Variants in ALKBH8 observed in about 807,000 individuals in gnomAD.
ALKBH8 encodes tRNA (carboxymethyluridine(34)-5-O)-methyltransferase ALKBH8.
ALKBH8 carries 36 observed loss-of-function variants against 59.8 expected under a neutral mutation model. The observed-to-expected ratio is 0.60, with a 90% CI of 0.46 to 0.79. The LOEUF (loss-of-function observed/expected upper bound fraction) is 0.79. Among genes scored for constraint, ALKBH8 ranks in the 30% least tolerant of loss-of-function variants. The probability of loss-of-function intolerance (pLI) is 0.00; values close to 1 mark genes in which losing one functional copy is unlikely to be tolerated. For synonymous variants in ALKBH8, 276 were observed against 273.6 expected, an observed-to-expected ratio of 1.01 and a Z score of -0.09; for missense variants, 768 against 801.0, an observed-to-expected ratio of 0.96 and a Z score of 0.50.
At chr11:107,562,025 C>T (rs1243948366) in intron 1 of ALKBH8, among the ~76,000 whole-genome samples, 1 of 152,106 alleles carries the variant, frequency 6.6e-6, no homozygotes, top group Non-Finnish European at 1.5e-5. Context: ...TGGATGTGGG[C>T]TGGGAGCAGT....
chr11:107,542,060 A>C (rs1337199187), intron 7 of ALKBH8, among the ~76,000 whole-genome samples: 1 of 152,174 alleles, frequency 6.6e-6, no homozygotes, highest in Non-Finnish European at 1.5e-5. Flanking sequence ...ATGGAGAGAC[A>C]AAAGATAGAA....
At position 107,535,368 on chromosome 11, in the gene ALKBH8, C is replaced by T. The variant is rs188713679; in HGVS notation, c.772-2962G>A. On this transcript the variant is annotated intron_variant, in intron 7 of 11. Transcript: ENST00000428149. ...GTGGTTGTACTACTTTACATTCTGA[C>T]CAATAGTGTAAAAGTGTTCCCTTTT... 3.0e-3 allele frequency among the ~76,000 whole-genome samples: 450 copies of T among 152,290 alleles called. 1 individual carries two copies. Among genetic ancestry groups the T allele is most frequent in the Non-Finnish European group, 5.1e-3 (348 of 68,024 alleles).
At chr11:107,537,007 A>T (rs1863844683) in intron 7 of ALKBH8, among the ~76,000 whole-genome samples, 1 of 152,224 alleles carries the variant, frequency 6.6e-6, no homozygotes, top group South Asian at 2.1e-4. Flanking sequence ...CCATGAGGCC[A>T]CCAGGTAAAG....
chr11:107,522,531 T>A lies in ALKBH8; in HGVS notation c.1055A>T (p.Gln352Leu). ...NCSYPLVCDS[Q>L]RKETPPSFPE... ...AAATGAGGGGGGAGTCTCTTTCCTC[T>A]GGCTATCACAGACCAACGGGTAACC... Residue 352 changes from glutamine (Q) to leucine (L), a missense_variant, in exon 10 of 12, where the codon CAG (glutamine) becomes CTG (leucine). Physicochemically the swap from Gln to Leu is moderately radical, Grantham distance 113 (BLOSUM62 -2). Coordinates refer to ENST00000428149, the MANE Select transcript of ALKBH8 (RefSeq NM_138775.3). The A allele has an allele frequency of 6.4e-7, 1 of 1,551,594 alleles. No homozygotes were observed. The highest frequency in any genetic ancestry group is 2.0e-5 in the Admixed American group (1 of 50,996).
chr11:107,512,785 CCT>C (rs1862691758), intron 10 of ALKBH8, among the ~76,000 whole-genome samples: 2 of 152,236 alleles, frequency 1.3e-5, no homozygotes, highest in Non-Finnish European at 2.9e-5. Flanking sequence ...TAGGGCTGAT[CCT>C]CAGCCCTTCT....
At chr11:107,538,221 A>AG (rs5794555) in intron 7 of ALKBH8, among the ~76,000 whole-genome samples, 45,928 of 151,594 alleles carry the variant, frequency 0.3, 7,242 homozygotes, top group East Asian at 0.47. Flanking sequence ...TTGACAGTAT[A>AG]TTTTTTTAAA....
At chr11:107,524,402 A>T (rs1235187064) in intron 9 of ALKBH8, among the ~76,000 whole-genome samples, 1 of 152,110 alleles carries the variant, frequency 6.6e-6, no homozygotes, top group Non-Finnish European at 1.5e-5. Context: ...TGTAAACTGA[A>T]TCCCCAATAA....
intron 7 of ALKBH8, 115 bp from the exon 8 acceptor site, chr11:107,532,521 A>C: frequency 1.3e-6 from 1 of 779,024 alleles, no homozygotes; most frequent in Non-Finnish European, 2.1e-6. Flanking sequence ...AAAACATAAT[A>C]ATGCTTGCAG....
rs549450838 is a variant in ALKBH8 at position 107,506,409 on chromosome 11, G to GA, written c.1438-1195dup. ...GAGGACCAAAGGACTGAAAAACAGA[G>GA]AAAAAAAAAAGACCATAGAAATAAA... On this transcript the variant is annotated intron_variant, in intron 11 of 11. Transcript: ENST00000428149. Among the ~76,000 whole-genome samples the GA allele has an allele frequency of 2.9e-3, 414 of 143,450 alleles. 4 individuals carry two copies. Among genetic ancestry groups the GA allele is most frequent in the Non-Finnish European group, 2.9e-3 (187 of 65,212 alleles). The allele number at this position is 143,450 out of a possible 152,430, so 94.1% of individuals were successfully genotyped here.
intron 9 of ALKBH8, among the ~76,000 whole-genome samples, chr11:107,525,070 A>G (rs945383000): frequency 1.3e-5 from 2 of 152,204 alleles, no homozygotes; most frequent in African/African-American, 4.8e-5. Flanking sequence ...TGTTGGATTA[A>G]TAAGATATAA....
At chr11:107,519,664 A>G (rs984635988) in intron 10 of ALKBH8, among the ~76,000 whole-genome samples, 2 of 152,190 alleles carry the variant, frequency 1.3e-5, no homozygotes, top group African/African-American at 2.4e-5. Context: ...CCTAATCTGA[A>G]AATCCAAAAT....
At chr11:107,530,106 T>C (rs975613928) in intron 8 of ALKBH8, among the ~76,000 whole-genome samples, 1 of 152,194 alleles carries the variant, frequency 6.6e-6, no homozygotes, top group African/African-American at 2.4e-5. Flanking sequence ...CTCCTAATTT[T>C]TATATGTAGA....
At position 107,522,388 on chromosome 11, in the gene ALKBH8, A is replaced by G; in HGVS notation, c.1198T>C (p.Phe400Leu). Residue 400 changes from phenylalanine (F) to leucine (L), a missense_variant, in exon 10 of 12, where the codon TTT (phenylalanine) becomes CTT (leucine). By Grantham distance (22) the Phe-to-Leu change is conservative (BLOSUM62 0). Coordinates refer to ENST00000428149, the MANE Select transcript of ALKBH8 (RefSeq NM_138775.3). ...GAACCACTTGGCAAAGCCTTCAAAA[A>G]CTCCACAATGTGCGGCCAAGGGGTA... The part of the protein sequence containing the change: ...RHTPWPHIVE[F>L]LKALPSGSIV... The G allele has an allele frequency of 1.9e-6, 3 of 1,551,612 alleles. No individual in the cohort carries two copies. Among genetic ancestry groups the G allele is most frequent in the Non-Finnish European group, 2.6e-6 (3 of 1,146,976 alleles).
intron 10 of ALKBH8, among the ~76,000 whole-genome samples, chr11:107,515,682 C>T (rs1273079049): frequency 6.6e-6 from 1 of 152,010 alleles, no homozygotes; most frequent in African/African-American, 2.4e-5. Context: ...TTTTTAAAAA[C>T]CTCAACAAAT....
At chr11:107,538,131 C>T (rs1191021099) in intron 7 of ALKBH8, among the ~76,000 whole-genome samples, 1 of 151,846 alleles carries the variant, frequency 6.6e-6, no homozygotes, top group African/African-American at 2.4e-5. Context: ...TAAATATTCG[C>T]TCCTATTTTA....
Position 107,521,330 on chromosome 11 carries a change from A to C in ALKBH8, c.1287+969T>G, listed in dbSNP as rs1161363294. Among the ~76,000 whole-genome samples, 4 of 152,280 alleles carry C rather than the reference A, an allele frequency of 2.6e-5. No individual in the cohort carries two copies. In the East Asian group the frequency reaches 7.7e-4, roughly 29 times the overall value. ...TATATCACTTTTCTCTTATATGCTA[A>C]ATCTTTTATGATCATTAAATATGCA... On this transcript the variant is annotated intron_variant, in intron 10 of 11. Coordinates refer to ENST00000428149, the MANE Select transcript of ALKBH8 (RefSeq NM_138775.3).
At chr11:107,525,841 T>C (rs1192995402) in intron 8 of ALKBH8, among the ~76,000 whole-genome samples, 1 of 151,730 alleles carries the variant, frequency 6.6e-6, no homozygotes, top group African/African-American at 2.4e-5. Flanking sequence ...AATATTTAAT[T>C]AACACCAATT....
intron 10 of ALKBH8, among the ~76,000 whole-genome samples, chr11:107,514,185 T>G (rs1419882840): frequency 6.6e-6 from 1 of 152,112 alleles, no homozygotes; most frequent in Non-Finnish European, 1.5e-5. Flanking sequence ...ACATTCAATT[T>G]ACCAAAAAAA....
intron 7 of ALKBH8, among the ~76,000 whole-genome samples, chr11:107,548,714 G>A (rs1183620480): frequency 6.6e-6 from 1 of 152,094 alleles, no homozygotes; most frequent in African/African-American, 2.4e-5. Flanking sequence ...ATCTAATGAT[G>A]GAAACTATAC....
Sources: gnomAD v4.1 joint callset for allele counts (sites outside exome capture counted in the v4.1 genomes callset) on GRCh38, gnomAD v4.1.1 for gene constraint, MANE v1.5 for transcripts, NCBI Gene and HGNC (gene_info 2026-07-23, HGNC 2026-07-21) for gene names.